The following DAB1 variants were observed in gnomAD, a reference collection of about 807,000 sequenced individuals.
DAB1 encodes DAB adaptor protein 1.
In DAB1, 15 loss-of-function variants were observed where a neutral mutation model predicts 64.6. That is an observed-to-expected ratio of 0.23 (90% CI 0.16 to 0.36). The LOEUF (loss-of-function observed/expected upper bound fraction) is 0.36, where lower values mean the gene tolerates loss of function less well. Ranked by LOEUF, DAB1 falls within the 10% of genes least tolerant of loss-of-function variation. DAB1 has a pLI of 1.00. For missense variants in DAB1, 596 were observed against 706.7 expected (o/e 0.84, Z 1.78); for synonymous variants, 235 against 251.9 (o/e 0.93, Z 0.64).
chr1:57,582,891 C>G (rs576050240), intron 7 of DAB1, among the ~76,000 whole-genome samples: 1 of 152,216 alleles, frequency 6.6e-6, no homozygotes, highest in Non-Finnish European at 1.5e-5. Flanking sequence ...TTAAGCAGTG[C>G]GCCTATGACC....
chr1:57,672,272 T>A (rs1176408865), intron 6 of DAB1, among the ~76,000 whole-genome samples: 1 of 152,152 alleles, frequency 6.6e-6, no homozygotes, highest in African/African-American at 2.4e-5. Flanking sequence ...GTTATTATCA[T>A]CCCCTGCTGA....
chr1:57,991,636 T>A (rs984214531), intron 5 of DAB1, among the ~76,000 whole-genome samples: 4 of 151,738 alleles, frequency 2.6e-5, no homozygotes, highest in African/African-American at 9.7e-5. Flanking sequence ...TCACTTGAAG[T>A]CAAAAGTTCA....
chr1:58,127,146 C>T (rs1380220214), intron 5 of DAB1, among the ~76,000 whole-genome samples: 1 of 151,536 alleles, frequency 6.6e-6, no homozygotes, highest in Non-Finnish European at 1.5e-5. Context: ...TTAATGATTG[C>T]CATTCTAACT....
At chr1:57,378,696 T>C (rs914679075) in intron 1 of DAB1, among the ~76,000 whole-genome samples, 9 of 152,170 alleles carry the variant, frequency 5.9e-5, no homozygotes, top group Non-Finnish European at 8.8e-5. Flanking sequence ...CCACAACATA[T>C]GCCTTTGTGT....
intron 10 of DAB1, among the ~76,000 whole-genome samples, chr1:57,025,521 G>A (rs1367886106): frequency 6.6e-6 from 1 of 152,130 alleles, no homozygotes; most frequent in Non-Finnish European, 1.5e-5. Flanking sequence ...AGCAGGGTGT[G>A]GGGAGAAGAT....
At chr1:57,214,282 C>T (rs749267851) in intron 2 of DAB1, among the ~76,000 whole-genome samples, 11 of 152,122 alleles carry the variant, frequency 7.2e-5, no homozygotes, top group African/African-American at 2.4e-4. Flanking sequence ...AGGAGAAGTC[C>T]TCATGGCCTA....
chr1:57,528,805 T>G (rs1644626601), intron 7 of DAB1, among the ~76,000 whole-genome samples: 1 of 151,968 alleles, frequency 6.6e-6, no homozygotes. Context: ...CAATCGAAAA[T>G]TCTCTATTTC....
intron 9 of DAB1, among the ~76,000 whole-genome samples, chr1:57,056,516 AAAAAGAAAAAAAAG>A (rs1279258809): frequency 1.3e-5 from 2 of 151,266 alleles, no homozygotes; most frequent in Non-Finnish European, 2.9e-5. Context: ...AAAAAAAAAA[AAAAAGAAAAAAAAG>A]AAAAGAAAAG....
intron 2 of DAB1, among the ~76,000 whole-genome samples, chr1:57,209,419 C>G (rs155285): frequency 0.48 from 72,743 of 152,016 alleles, 17,637 homozygotes; most frequent in Admixed American, 0.54. Flanking sequence ...TGCAAACTGG[C>G]TATTTGCAGG....
chr1:57,015,156 G>A lies in DAB1; in HGVS notation c.1171C>T (p.Pro391Ser), dbSNP rs1646384762. ...GACCTGGTGGAGTCACTCGTGCCTG[G>A]GACGGTGGCAAGGGGGGTGAGGGGA... ...QGPLTPLATVPGTSDSTRSSP... is the reference protein window; with the variant it reads ...QGPLTPLATVSGTSDSTRSSP... The change falls in exon 12 of 15, where the codon CCA becomes TCA. Residue 391 changes from proline (P) to serine (S), a missense_variant. By Grantham distance (74) the Pro-to-Ser change is moderately conservative. Transcript: ENST00000371236. The A allele has an allele frequency of 2.5e-6, 4 of 1,614,032 alleles. No homozygotes were observed. The highest frequency in any genetic ancestry group is 1.7e-5 in the Admixed American group (1 of 60,002).
At chr1:57,086,666 C>T (rs1238302611) in intron 4 of DAB1, among the ~76,000 whole-genome samples, 2 of 150,166 alleles carry the variant, frequency 1.3e-5, no homozygotes, top group Non-Finnish European at 3.0e-5. Context: ...CACACACACA[C>T]ACACACACAC....
Position 57,015,309 on chromosome 1 carries a change from C to G in DAB1, c.1018G>C (p.Ala340Pro), listed in dbSNP as rs545144491. The G allele has an allele frequency of 1.2e-6, 2 of 1,614,078 alleles. No individual in the cohort carries two copies. Among genetic ancestry groups the G allele is most frequent in the Non-Finnish European group, 1.7e-6 (2 of 1,180,024 alleles). ...GGAAAGAGACCCGGCTGGCCCCATG[C>G]GATGGGCTGAGCCCCCGGCATCACC... The part of the protein sequence containing the change: ...AQVMPGAQPI[A>P]WGQPGLFPAT... Residue 340 changes from alanine to proline, a missense_variant, in exon 12 of 15, where the codon GCA (alanine) becomes CCA (proline). Physicochemically the swap from Ala to Pro is conservative, Grantham distance 27. Transcript: ENST00000371236.
chr1:57,442,632 C>G (rs1458963511), intron 7 of DAB1, among the ~76,000 whole-genome samples: 5 of 151,990 alleles, frequency 3.3e-5, no homozygotes, highest in Non-Finnish European at 5.9e-5. Flanking sequence ...AAGGTTATTC[C>G]TATGAAAATG....
rs138880460 is a variant in DAB1 at position 57,150,239 on chromosome 1, T to C, written c.68-4810A>G. On this transcript the variant is annotated intron_variant, in intron 2 of 14. Transcript: ENST00000371236. The stretch of plus-strand genomic sequence containing the variant: ...AAATAGCATACAAGACAGTGAGTGA[T>C]TGGCAAACAGTAAGAGCTTAATCAA... 8.6e-3 allele frequency among the ~76,000 whole-genome samples: 1,304 copies of C among 152,334 alleles called. 9 individuals carry two copies. The highest frequency in any genetic ancestry group is 0.012 in the Non-Finnish European group (823 of 68,030).
At chr1:58,522,167 A>T (rs1351601832) in intron 2 of DAB1, among the ~76,000 whole-genome samples, 2 of 152,202 alleles carry the variant, frequency 1.3e-5, no homozygotes, top group Non-Finnish European at 2.9e-5. Flanking sequence ...ATACAGGCAG[A>T]AAATGCAGGG....
chr1:58,292,238 G>A (rs1477615254), intron 4 of DAB1, among the ~76,000 whole-genome samples: 4 of 152,054 alleles, frequency 2.6e-5, no homozygotes, highest in Admixed American at 6.6e-5. Context: ...CTCAGCTTCC[G>A]TAATTGTGTG....
chr1:58,480,688 C>G (rs530208437), intron 3 of DAB1: 1 of 248,330 alleles, frequency 4.0e-6, no homozygotes, highest in East Asian at 1.0e-4. Flanking sequence ...AGGGGTCTGC[C>G]TTCTAAATCA....
At chr1:57,924,306 A>C (rs1010462866) in intron 5 of DAB1, among the ~76,000 whole-genome samples, 1 of 152,220 alleles carries the variant, frequency 6.6e-6, no homozygotes, top group Admixed American at 6.5e-5. Context: ...CCCAGTAAGA[A>C]TGATCAGATA....
intron 4 of DAB1, among the ~76,000 whole-genome samples, chr1:58,183,722 C>T (rs1158973555): frequency 6.6e-6 from 1 of 151,958 alleles, no homozygotes; most frequent in African/African-American, 2.4e-5. Flanking sequence ...CTGATTCTTC[C>T]CAGAAGTTGT....
Sources: allele counts gnomAD v4.1 joint callset (sites outside exome capture counted in the v4.1 genomes callset), GRCh38; gene constraint gnomAD v4.1.1; transcripts MANE v1.5; gene names NCBI Gene and HGNC (gene_info 2026-07-23, HGNC 2026-07-21).